Variants in RAB2A observed in about 807,000 individuals in gnomAD.
The protein encoded by RAB2A is RAB2A, member RAS oncogene family.
A neutral mutation model predicts 32.5 loss-of-function variants in RAB2A; 7 were observed. That is an observed-to-expected ratio of 0.22 (90% CI 0.12 to 0.40). RAB2A has a LOEUF of 0.40. Among genes scored for constraint, RAB2A ranks in the 10% least tolerant of loss-of-function variants. The pLI is 1.00. For synonymous variants in RAB2A, 79 were observed against 85.2 expected (o/e 0.93, Z 0.40); for missense variants, 108 against 260.7 (o/e 0.41, Z 4.03).
At chr8:60,564,181 C>T (rs1808069006) in intron 2 of RAB2A, among the ~76,000 whole-genome samples, 1 of 152,136 alleles carries the variant, frequency 6.6e-6, no homozygotes, top group African/African-American at 2.4e-5. Context: ...CAGCTGATAA[C>T]CTTGGTTTTG....
intron 1 of RAB2A, among the ~76,000 whole-genome samples, chr8:60,525,384 A>C (rs763149120): frequency 3.9e-5 from 6 of 152,162 alleles, no homozygotes; most frequent in Non-Finnish European, 7.3e-5. Context: ...AGGCCTCCCC[A>C]GCCATGCAGA....
intron 2 of RAB2A, among the ~76,000 whole-genome samples, chr8:60,566,671 A>G (rs548825345): frequency 6.6e-6 from 1 of 152,214 alleles, no homozygotes; most frequent in Admixed American, 6.5e-5. Flanking sequence ...TATATTGTGT[A>G]CTGGTGGACA....
chr8:60,547,910 C>A (rs1420188070), intron 1 of RAB2A, among the ~76,000 whole-genome samples: 1 of 109,844 alleles, frequency 9.1e-6, no homozygotes, highest in Non-Finnish European at 1.9e-5. Flanking sequence ...CCGGACGGGG[C>A]GGCTGGCCGG....
At chr8:60,609,666 T>A (rs1006089680) in intron 6 of RAB2A, among the ~76,000 whole-genome samples, 7 of 152,058 alleles carry the variant, frequency 4.6e-5, no homozygotes, top group African/African-American at 1.7e-4. Context: ...AACATGAGAT[T>A]TTAGAAAATC....
rs1173718949 is a variant in RAB2A, at chr8:60,558,856, T to C, written c.51T>C (p.Val17=). Residue 17 remains valine, a synonymous_variant, in exon 2 of 8, where the codon GTT becomes GTC. Transcript: ENST00000262646. ...TTATTTTTTTTTAACTTTCAGGTGT[T>C]GGTAAATCATGCTTATTGCTACAGT... The part of the protein sequence containing the change: ...FKYIIIGDTG[V]GKSCLLLQFT... The C allele has an allele frequency of 6.2e-7, 1 of 1,611,090 alleles. No homozygotes were observed. The highest frequency in any genetic ancestry group is 8.5e-7 in the Non-Finnish European group (1 of 1,177,592).
At chr8:60,617,172 C>T (rs1440465944) in intron 6 of RAB2A, among the ~76,000 whole-genome samples, 3 of 151,984 alleles carry the variant, frequency 2.0e-5, no homozygotes, top group Non-Finnish European at 4.4e-5. Flanking sequence ...CTATAGCATT[C>T]GTAATATTTA....
intron 5 of RAB2A, among the ~76,000 whole-genome samples, chr8:60,587,594 A>G (rs989921511): frequency 2.0e-5 from 3 of 152,216 alleles, no homozygotes; most frequent in Admixed American, 6.5e-5. Flanking sequence ...TAATGATGAT[A>G]TAGTGCATTC....
At chr8:60,554,036 T>A (rs1807897934) in intron 1 of RAB2A, among the ~76,000 whole-genome samples, 1 of 152,250 alleles carries the variant, frequency 6.6e-6, no homozygotes, top group African/African-American at 2.4e-5. Flanking sequence ...TGTATTGTCA[T>A]AGTATTAATC....
At chr8:60,620,637 C>A in intron 7 of RAB2A, 37 bp from the exon 8 acceptor site, 1 of 1,408,972 alleles carries the variant, frequency 7.1e-7, no homozygotes. Flanking sequence ...ACTATATTGT[C>A]TGGTCATATT....
intron 1 of RAB2A, among the ~76,000 whole-genome samples, chr8:60,534,989 G>T (rs922149711): frequency 2.6e-5 from 4 of 151,968 alleles, no homozygotes; most frequent in African/African-American, 9.7e-5. Context: ...GAATTTGTAG[G>T]AGAAATAGAA....
At chr8:60,588,093 G>A (rs1803878397) in intron 5 of RAB2A, among the ~76,000 whole-genome samples, 1 of 152,064 alleles carries the variant, frequency 6.6e-6, no homozygotes, top group African/African-American at 2.4e-5. Context: ...GGCAATGTAG[G>A]GAGACTTCTT....
At chr8:60,612,248 G>C (rs1804363546) in intron 6 of RAB2A, among the ~76,000 whole-genome samples, 1 of 152,106 alleles carries the variant, frequency 6.6e-6, no homozygotes, top group Non-Finnish European at 1.5e-5. Context: ...CTAGGAACAG[G>C]AAATTCTTAA....
rs1807245409 is a variant in RAB2A at position 60,518,410 on chromosome 8, A to G, written c.46+1157A>G. 2.6e-5 allele frequency among the ~76,000 whole-genome samples: 4 copies of G among 151,946 alleles called. No homozygotes were observed. The South Asian group carries it at 8.3e-4, about 32-fold the overall frequency. ...GGTGGCTCACACCTGTAATCCCAGCACTTTCGGAGGCCGAGGTGGGGGATC... is the reference window on the plus strand; with the variant it reads ...GGTGGCTCACACCTGTAATCCCAGCGCTTTCGGAGGCCGAGGTGGGGGATC... On this transcript the variant is annotated intron_variant, in intron 1 of 7. Transcript: ENST00000262646.
rs148656712 is a variant in RAB2A at position 60,529,075 on chromosome 8, A to G, written c.46+11822A>G. The stretch of plus-strand genomic sequence containing the variant: ...CTTCTCATGGCTTCTCTCTTGACCC[A>G]TTAAGCATGTTTCTTTTTTTTTTCT... On this transcript the variant is annotated intron_variant, in intron 1 of 7. Coordinates refer to ENST00000262646, the MANE Select transcript of RAB2A (RefSeq NM_002865.3). 7.3e-3 allele frequency among the ~76,000 whole-genome samples: 1,106 copies of G among 151,902 alleles called. 15 individuals carry two copies. The highest frequency in any genetic ancestry group is 0.025 in the African/African-American group (1,032 of 41,436).
intron 1 of RAB2A, among the ~76,000 whole-genome samples, chr8:60,524,841 T>C (rs1038442075): frequency 6.6e-6 from 1 of 152,234 alleles, no homozygotes; most frequent in Non-Finnish European, 1.5e-5. Context: ...ATTCTTCTTT[T>C]TCTGCTGCCA....
intron 1 of RAB2A, among the ~76,000 whole-genome samples, chr8:60,530,548 C>T (rs1022346222): frequency 1.3e-5 from 2 of 152,084 alleles, no homozygotes; most frequent in Non-Finnish European, 2.9e-5. Context: ...CCTCGGCCTT[C>T]CAAAGTGTTG....
intron 1 of RAB2A, among the ~76,000 whole-genome samples, chr8:60,545,183 A>C (rs1199230159): frequency 6.6e-6 from 1 of 151,544 alleles, no homozygotes; most frequent in African/African-American, 2.4e-5. Flanking sequence ...AATACCCAGC[A>C]CCTACTCGTA....
intron 6 of RAB2A, among the ~76,000 whole-genome samples, chr8:60,598,103 C>T (rs1010818178): frequency 6.6e-6 from 1 of 152,114 alleles, no homozygotes; most frequent in African/African-American, 2.4e-5. Flanking sequence ...GAGGCTAAGG[C>T]AGGAAAATCG....
rs1331728693 is a variant in RAB2A, at chr8:60,581,869, TA to T, written c.187-2333del. Among the ~76,000 whole-genome samples the T allele has an allele frequency of 5.3e-5, 8 of 151,820 alleles. No homozygotes were observed. In the East Asian group the frequency reaches 9.6e-4, roughly 18 times the overall value. On this transcript the variant is annotated intron_variant, in intron 3 of 7. Transcript: ENST00000262646. Reference sequence around the variant, plus strand: ...TAAAAAAATAAAAAATAATAAATTTTAAAAAACAATCAATTTAAAATAAAAA... The same window carrying T: ...TAAAAAAATAAAAAATAATAAATTTTAAAAACAATCAATTTAAAATAAAAA...
Sources: allele counts gnomAD v4.1 joint callset (sites outside exome capture counted in the v4.1 genomes callset), GRCh38; gene constraint gnomAD v4.1.1; transcripts MANE v1.5; gene names NCBI Gene and HGNC (gene_info 2026-07-23, HGNC 2026-07-21).